The following SULT1E1 variants were observed in gnomAD, a reference collection of about 807,000 sequenced individuals.
The protein encoded by SULT1E1 is sulfotransferase 1E1.
In SULT1E1, 36 loss-of-function variants were observed where a neutral mutation model predicts 33.6. That is an observed-to-expected ratio of 1.07 (90% CI 0.82 to 1.41). SULT1E1 has a LOEUF of 1.41. SULT1E1 is among the 40% of genes most tolerant of loss of function. The pLI is 0.00. For synonymous variants in SULT1E1, 121 were observed against 111.7 expected, an observed-to-expected ratio of 1.08 and a Z score of -0.53; for missense variants, 371 against 345.7, an observed-to-expected ratio of 1.07 and a Z score of -0.58.
chr4:69,857,988 G>A (rs925434234), intron 1 of SULT1E1, among the ~76,000 whole-genome samples: 18 of 151,758 alleles, frequency 1.2e-4, no homozygotes, highest in Non-Finnish European at 4.4e-5. Context: ...AAAATTGCTG[G>A]GGCATATAAA....
At chr4:69,853,669 C>T (rs575143846) in intron 4 of SULT1E1, among the ~76,000 whole-genome samples, 28 of 152,050 alleles carry the variant, frequency 1.8e-4, no homozygotes, top group Non-Finnish European at 4.0e-4. Flanking sequence ...GACTAGGTGT[C>T]CATGAAGACA....
At chr4:69,837,054 G>C (rs564581387), downstream of SULT1E1, among the ~76,000 whole-genome samples, 3 of 149,724 alleles carry the variant, frequency 2.0e-5, no homozygotes, top group South Asian at 6.4e-4. Flanking sequence ...CTGCACTGTA[G>C]CCTGCATGAC....
At chr4:69,829,865 G>T in the SULT1E1 span, among the ~76,000 whole-genome samples, 11 of 152,066 alleles carry the variant, frequency 7.2e-5, no homozygotes, top group African/African-American at 2.7e-4. Context: ...CCATCAACTG[G>T]CCCCCTACTT....
chr4:69,830,609 T>G, the SULT1E1 span, among the ~76,000 whole-genome samples: 1 of 152,186 alleles, frequency 6.6e-6, no homozygotes. Context: ...ATGCGTCATT[T>G]GGGTCCCAAT....
chr4:69,847,882 A>C, intron 5 of SULT1E1, 90 bp from the exon 6 acceptor site: 1 of 672,288 alleles, frequency 1.5e-6, no homozygotes. Context: ...CAACAAATAA[A>C]TATAAATAGA....
At chr4:69,854,091 T>C in intron 4 of SULT1E1, 126 bp downstream of exon 4, 1 of 558,578 alleles carries the variant, frequency 1.8e-6, no homozygotes, top group Admixed American at 3.4e-5. Flanking sequence ...ACTGTATTTA[T>C]TCCACATTTG....
At chr4:69,835,724 G>T in the SULT1E1 span, among the ~76,000 whole-genome samples, 1 of 152,142 alleles carries the variant, frequency 6.6e-6, no homozygotes, top group Non-Finnish European at 1.5e-5. Flanking sequence ...CATTAGAAAT[G>T]TTCAGTTACC....
intron 3 of SULT1E1, 71 bp from the exon 4 acceptor site, chr4:69,854,385 T>C: frequency 1.1e-6 from 1 of 912,776 alleles, no homozygotes; most frequent in South Asian, 1.8e-5. Context: ...TATATAGATA[T>C]TTGTAAAATA....
intron 4 of SULT1E1, among the ~76,000 whole-genome samples, chr4:69,851,177 G>A (rs1012790731): frequency 6.6e-6 from 1 of 152,118 alleles, no homozygotes; most frequent in Admixed American, 6.5e-5. Flanking sequence ...TACCATCAGA[G>A]TGAAAAGGCA....
At chr4:69,828,996 C>T in the SULT1E1 span, among the ~76,000 whole-genome samples, 17 of 152,166 alleles carry the variant, frequency 1.1e-4, no homozygotes, top group Non-Finnish European at 2.2e-4. Context: ...TCTTAAATCC[C>T]TGTGGGAGTC....
At chr4:69,853,854 T>C (rs983564118) in intron 4 of SULT1E1, among the ~76,000 whole-genome samples, 2 of 152,146 alleles carry the variant, frequency 1.3e-5, no homozygotes, top group African/African-American at 4.8e-5. Flanking sequence ...TAACAACAAA[T>C]ACAAAAGTAG....
rs181599152 is a variant in SULT1E1 at position 69,845,759 on chromosome 4, G to A, written c.592-1418C>T. ...TAGACATGGACAATTTGAAATGGAG[G>A]AAGAGAGTTGGAGTAACTATTTAAT... On this transcript the variant is annotated intron_variant, in intron 6 of 7. Coordinates refer to ENST00000226444, the MANE Select transcript of SULT1E1 (RefSeq NM_005420.3). 1.8e-3 allele frequency among the ~76,000 whole-genome samples: 269 copies of A among 151,432 alleles called. 4 individuals are homozygous for A. The highest frequency in any genetic ancestry group is 0.01 in the Middle Eastern group (3 of 288).
chr4:69,849,288 TCTAAACCTCCAGGCGC>T, intron 5 of SULT1E1, 133 bp downstream of exon 5: 1 of 871,820 alleles, frequency 1.1e-6, no homozygotes, highest in Non-Finnish European at 1.7e-6. Flanking sequence ...GTATGCTTGC[TCTAAACCTCCAGGCGC>T]CTTTAGATTT....
the SULT1E1 span, among the ~76,000 whole-genome samples, chr4:69,828,006 C>T: frequency 5.3e-5 from 8 of 152,218 alleles, no homozygotes; most frequent in Admixed American, 3.3e-4. Context: ...GGCAAAGGTT[C>T]TTTAGGCCAG....
Position 69,857,661 on chromosome 4 carries a change from A to G in SULT1E1, c.-9-8T>C. On this transcript the variant is annotated splice_region_variant and splice_polypyrimidine_tract_variant and intron_variant, in intron 1 of 7. Coordinates refer to ENST00000226444, the MANE Select transcript of SULT1E1 (RefSeq NM_005420.3). Reference sequence around the variant, plus strand: ...AGAATTCATTGTGGTACACTGAAAAAAAACCTCTGCTTTATACTTTGTATG... The same window carrying G: ...AGAATTCATTGTGGTACACTGAAAAGAAACCTCTGCTTTATACTTTGTATG... The G allele has an allele frequency of 6.3e-7, 1 of 1,576,570 alleles. No individual in the cohort carries two copies. Among genetic ancestry groups the G allele is most frequent in the Non-Finnish European group, 8.6e-7 (1 of 1,167,956 alleles).
chr4:69,833,947 T>C, the SULT1E1 span, among the ~76,000 whole-genome samples: 2 of 152,192 alleles, frequency 1.3e-5, no homozygotes, highest in African/African-American at 4.8e-5. Context: ...GCCTTCCCTA[T>C]AGCATTTGAC....
chr4:69,857,216 G>C (rs1438428626), intron 2 of SULT1E1, among the ~76,000 whole-genome samples: 1 of 152,106 alleles, frequency 6.6e-6, no homozygotes, highest in Admixed American at 6.5e-5. Flanking sequence ...AAGGTAAACA[G>C]TTGGTAGTTT....
chr4:69,852,084 T>C (rs535536270), intron 4 of SULT1E1, among the ~76,000 whole-genome samples: 1 of 152,234 alleles, frequency 6.6e-6, no homozygotes, highest in African/African-American at 2.4e-5. Flanking sequence ...GTAACAAACC[T>C]GCACATTGTG....
chr4:69,859,855 T>C (rs538193048), intron 1 of SULT1E1, among the ~76,000 whole-genome samples, 194 bp downstream of exon 1: 1 of 152,132 alleles, frequency 6.6e-6, no homozygotes, highest in Non-Finnish European at 1.5e-5. Flanking sequence ...ACTACATAAA[T>C]GTAAAATATT....
Sources: allele counts gnomAD v4.1 joint callset (sites outside exome capture counted in the v4.1 genomes callset), GRCh38; gene constraint gnomAD v4.1.1; transcripts MANE v1.5; gene names NCBI Gene and HGNC (gene_info 2026-07-23, HGNC 2026-07-21).